Variants in PVT1 observed in about 807,000 individuals in gnomAD.
PVT1 encodes Pvt1 oncogene, also known as CXCR4/PVT1 fusion.
At chr8:127,795,359 TC>T (rs957891975) in intron 1 of PVT1, among the ~76,000 whole-genome samples, 8 of 152,188 alleles carry the variant, frequency 5.3e-5, no homozygotes, top group African/African-American at 1.7e-4. Flanking sequence ...GTGTAGACTT[TC>T]AGGAAGCACA....
At chr8:128,069,178 C>A (rs1424891652) in intron 4 of PVT1, among the ~76,000 whole-genome samples, 1 of 152,138 alleles carries the variant, frequency 6.6e-6, no homozygotes, top group Non-Finnish European at 1.5e-5. Context: ...TTACACAAAA[C>A]CTGTATAGAG....
chr8:127,803,125 C>CTTTCTTTCT (rs771997353), intron 2 of PVT1: 2 of 105,360 alleles, frequency 1.9e-5, no homozygotes, highest in East Asian at 2.7e-4. Context: ...TTCTTTCTTT[C>CTTTCTTTCT]TTTTTTTTTT....
intron 2 of PVT1, among the ~76,000 whole-genome samples, chr8:127,813,355 A>G (rs966452161): frequency 4.0e-5 from 6 of 151,622 alleles, no homozygotes; most frequent in African/African-American, 1.2e-4. Flanking sequence ...CATGGAGAGG[A>G]AACTTGTAGG....
intron 3 of PVT1, among the ~76,000 whole-genome samples, chr8:127,958,365 G>A (rs1206559998): frequency 2.0e-5 from 3 of 151,902 alleles, no homozygotes; most frequent in East Asian, 1.9e-4. Flanking sequence ...TCAGCCCCCC[G>A]AGTAGGTGAG....
intron 4 of PVT1, among the ~76,000 whole-genome samples, chr8:128,029,507 A>G (rs1172915930): frequency 6.6e-6 from 1 of 152,188 alleles, no homozygotes; most frequent in Non-Finnish European, 1.5e-5. Flanking sequence ...AAAACTTAAA[A>G]AATACTTGTT....
chr8:128,013,118 A>C (rs1817334109), intron 4 of PVT1, among the ~76,000 whole-genome samples: 1 of 152,156 alleles, frequency 6.6e-6, no homozygotes, highest in South Asian at 2.1e-4. Context: ...TGGGGGTGCC[A>C]TGTGGATTTA....
chr8:127,831,116 T>G (rs1031615350), intron 2 of PVT1, among the ~76,000 whole-genome samples: 2 of 148,180 alleles, frequency 1.3e-5, no homozygotes, highest in Admixed American at 1.4e-4. Context: ...TGTGTGTGTA[T>G]GTATATATCT....
chr8:127,846,213 G>T (rs1644332547), intron 2 of PVT1, among the ~76,000 whole-genome samples: 1 of 151,776 alleles, frequency 6.6e-6, no homozygotes, highest in Admixed American at 6.5e-5. Flanking sequence ...CAGTAGAATG[G>T]AAAGAAAGAA....
intron 3 of PVT1, among the ~76,000 whole-genome samples, chr8:127,935,814 C>T (rs1474159493): frequency 2.0e-5 from 3 of 152,286 alleles, no homozygotes; most frequent in South Asian, 2.1e-4. Flanking sequence ...GCATGCAGTA[C>T]GTGCTCTGAT....
intron 3 of PVT1, among the ~76,000 whole-genome samples, chr8:127,914,072 A>G (rs1408081361): frequency 6.6e-6 from 1 of 152,098 alleles, no homozygotes; most frequent in Non-Finnish European, 1.5e-5. Context: ...AACCAAAAAG[A>G]CAACCCAGTT....
At chr8:127,908,042 A>G (rs763790780) in intron 3 of PVT1, among the ~76,000 whole-genome samples, 1 of 152,196 alleles carries the variant, frequency 6.6e-6, no homozygotes, top group African/African-American at 2.4e-5. Context: ...ATTCCATTTC[A>G]GTTAATCTGT....
At chr8:127,906,092 C>A (rs925610188) in intron 3 of PVT1, among the ~76,000 whole-genome samples, 24 of 152,310 alleles carry the variant, frequency 1.6e-4, no homozygotes, top group Admixed American at 3.9e-4. Flanking sequence ...TAGGAACTTG[C>A]AGATGGTCAC....
intron 2 of PVT1, among the ~76,000 whole-genome samples, chr8:127,829,136 A>G (rs1027408002): frequency 6.6e-6 from 1 of 152,002 alleles, no homozygotes; most frequent in East Asian, 1.9e-4. Flanking sequence ...AATTAGCTGG[A>G]CGTGGTGGCA....
chr8:127,863,846 C>T (rs539266976), intron 2 of PVT1, among the ~76,000 whole-genome samples: 1 of 152,306 alleles, frequency 6.6e-6, no homozygotes, highest in Admixed American at 6.5e-5. Flanking sequence ...CCTCAGGACC[C>T]TGTGTACCTG....
In PVT1 at chr8:127,829,331, CAT is replaced by C. The variant is rs1189422927; in HGVS notation, n.372+33261_372+33262del. Among the ~76,000 whole-genome samples, 8 of 152,280 alleles carry C rather than the reference CAT, an allele frequency of 5.3e-5. No individual in the cohort carries two copies. In the East Asian group the frequency reaches 7.7e-4, roughly 15 times the overall value. On this transcript the variant is annotated intron_variant and non_coding_transcript_variant, in intron 2 of 10. Transcript: ENST00000651587. ...ATAAAACCTTATATATATTCACACA[CAT>C]GTGTATATATGAGATGGGGTGGTCC...
chr8:128,014,321 T>C (rs1817347362), intron 4 of PVT1, among the ~76,000 whole-genome samples: 1 of 152,246 alleles, frequency 6.6e-6, no homozygotes, highest in South Asian at 2.1e-4. Flanking sequence ...TCTCCCTCAA[T>C]GCTCACATTC....
chr8:127,838,708 A>T (rs776490152), intron 2 of PVT1, among the ~76,000 whole-genome samples: 1 of 152,190 alleles, frequency 6.6e-6, no homozygotes, highest in African/African-American at 2.4e-5. Context: ...GACTCTGATG[A>T]TAGTAATAAA....
At chr8:127,935,335 C>T (rs898705086) in intron 3 of PVT1, among the ~76,000 whole-genome samples, 21 of 151,994 alleles carry the variant, frequency 1.4e-4, no homozygotes, top group Non-Finnish European at 1.5e-5. Flanking sequence ...TATATGCTGG[C>T]TGGCTCTACA....
At chr8:128,055,043 C>T (rs533692708) in intron 4 of PVT1, among the ~76,000 whole-genome samples, 2 of 152,322 alleles carry the variant, frequency 1.3e-5, no homozygotes, top group African/African-American at 2.4e-5. Context: ...AAAACTACAA[C>T]ATCAAGGCTT....
Sources: allele counts gnomAD v4.1 joint callset (sites outside exome capture counted in the v4.1 genomes callset), GRCh38; gene constraint gnomAD v4.1.1; transcripts MANE v1.5; gene names NCBI Gene and HGNC (gene_info 2026-07-23, HGNC 2026-07-21).